Variants in RSRC1 observed in about 807,000 individuals in gnomAD.
RSRC1 encodes arginine and serine rich coiled-coil 1.
RSRC1 carries 39 observed loss-of-function variants against 49.1 expected under a neutral mutation model. That is an observed-to-expected ratio of 0.79 (90% CI 0.61 to 1.04). The LOEUF is 1.04. Among genes scored for constraint, RSRC1 ranks in the 50% least tolerant of loss-of-function variants. The pLI is 0.00. For missense variants in RSRC1, 388 were observed against 402.4 expected, an observed-to-expected ratio of 0.96 and a Z score of 0.31; for synonymous variants, 143 against 130.8, an observed-to-expected ratio of 1.09 and a Z score of -0.63.
intron 3 of RSRC1, among the ~76,000 whole-genome samples, chr3:158,158,701 A>T (rs957363954): frequency 1.3e-5 from 2 of 152,026 alleles, no homozygotes; most frequent in Non-Finnish European, 2.9e-5. Flanking sequence ...GCACTTTGGG[A>T]GGCTGAGGCA....
chr3:158,408,879 A>G (rs1046278192), intron 6 of RSRC1, among the ~76,000 whole-genome samples: 8 of 152,028 alleles, frequency 5.3e-5, no homozygotes, highest in African/African-American at 1.9e-4. Flanking sequence ...CTAAAAATAT[A>G]AAAATTAGCT....
At chr3:158,407,121 C>G (rs1042864807) in intron 6 of RSRC1, among the ~76,000 whole-genome samples, 2 of 152,080 alleles carry the variant, frequency 1.3e-5, no homozygotes, top group African/African-American at 4.8e-5. Flanking sequence ...ATCACAGACT[C>G]AAAACTACTT....
chr3:158,502,542 G>T (rs1450348194), intron 7 of RSRC1, among the ~76,000 whole-genome samples: 2 of 152,048 alleles, frequency 1.3e-5, no homozygotes, highest in Non-Finnish European at 2.9e-5. Context: ...TAGACTTCTT[G>T]GAGGCTTTGT....
intron 5 of RSRC1, among the ~76,000 whole-genome samples, chr3:158,343,281 G>C (rs536966623): frequency 6.6e-6 from 1 of 152,262 alleles, no homozygotes; most frequent in South Asian, 2.1e-4. Context: ...TAACAAAGCA[G>C]GATGCGAAGG....
intron 4 of RSRC1, among the ~76,000 whole-genome samples, chr3:158,279,760 C>T (rs2108073205): frequency 6.6e-6 from 1 of 152,340 alleles, no homozygotes; most frequent in Non-Finnish European, 1.5e-5. Context: ...TTTCAAGCCT[C>T]TAGGACTTCC....
At chr3:158,459,314 T>G (rs2108403221) in intron 6 of RSRC1, among the ~76,000 whole-genome samples, 1 of 152,236 alleles carries the variant, frequency 6.6e-6, no homozygotes, top group Admixed American at 6.5e-5. Flanking sequence ...TAAATCAGAT[T>G]TAGGCAGGCT....
chr3:158,544,322 AT>A lies in RSRC1; in HGVS notation c.*50del. ...TGGATTGTCAGCAGTAACATTGGAA[AT>A]TTAGGTTTTTAAATCCCAATATTAA... On this transcript the variant is annotated 3_prime_UTR_variant, in exon 10 of 10. Coordinates refer to ENST00000611884, the MANE Select transcript of RSRC1 (RefSeq NM_001271838.2). The A allele has an allele frequency of 7.9e-7, 1 of 1,273,422 alleles. No individual in the cohort carries two copies. Among genetic ancestry groups the A allele is most frequent in the Non-Finnish European group, 1.1e-6 (1 of 908,922 alleles). The allele number at this position is 1,273,422 out of a possible 1,614,324, so 78.9% of individuals were successfully genotyped here.
chr3:158,313,671 A>G (rs1158834344), intron 5 of RSRC1, among the ~76,000 whole-genome samples: 1 of 152,262 alleles, frequency 6.6e-6, no homozygotes, highest in Non-Finnish European at 1.5e-5. Context: ...GCAAAAATAA[A>G]TGAAGTAATT....
chr3:158,265,631 CAA>C (rs63157561), intron 4 of RSRC1, among the ~76,000 whole-genome samples: 1 of 147,826 alleles, frequency 6.8e-6, no homozygotes, highest in African/African-American at 2.5e-5. Context: ...AACTCAGTCT[CAA>C]AAAAAAAAAA....
At position 158,295,173 on chromosome 3, in the gene RSRC1, T is replaced by C. The variant is rs138273560; in HGVS notation, c.495-2866T>C. The stretch of plus-strand genomic sequence containing the variant: ...TGGGACAAGGAGAAGGTTTCCCCAA[T>C]TGAAGAATGGTTTAGGATGAGTCCT... On this transcript the variant is annotated intron_variant, in intron 4 of 9. Coordinates refer to ENST00000611884, the MANE Select transcript of RSRC1 (RefSeq NM_001271838.2). Among the ~76,000 whole-genome samples the C allele has an allele frequency of 4.6e-5, 7 of 152,144 alleles. No individual in the cohort carries two copies. The East Asian group carries it at 1.4e-3, about 29-fold the overall frequency.
At chr3:158,316,438 A>ATTTTTTTTTTTTTTTTTTTTTTTTT (rs564633575) in intron 5 of RSRC1, among the ~76,000 whole-genome samples, 2 of 72,220 alleles carry the variant, frequency 2.8e-5, no homozygotes, top group African/African-American at 6.4e-5. Flanking sequence ...AGAATCTCTC[A>ATTTTTTTTTTTTTTTTTTTTTTTTT]TTTTTTTTTT....
chr3:158,512,363 A>C (rs989857195), intron 7 of RSRC1, among the ~76,000 whole-genome samples: 13 of 143,956 alleles, frequency 9.0e-5, no homozygotes, highest in Admixed American at 8.4e-4. Flanking sequence ...ACCATTTATT[A>C]AATAGGGAAT....
intron 3 of RSRC1, among the ~76,000 whole-genome samples, chr3:158,182,100 A>C (rs1719653746): frequency 6.6e-6 from 1 of 152,156 alleles, no homozygotes; most frequent in Non-Finnish European, 1.5e-5. Context: ...GGCAGGTTTC[A>C]GTGTTTAACA....
intron 4 of RSRC1, among the ~76,000 whole-genome samples, chr3:158,270,524 T>C (rs1725454895): frequency 6.6e-6 from 1 of 152,226 alleles, no homozygotes; most frequent in Admixed American, 6.5e-5. Flanking sequence ...TGTATTTCAA[T>C]TGTAATTTAT....
intron 9 of RSRC1, 134 bp downstream of exon 9, chr3:158,543,621 C>G: frequency 1.1e-6 from 1 of 880,654 alleles, no homozygotes; most frequent in South Asian, 2.2e-5. Context: ...TAAAAATAGG[C>G]ATCTGGCCCC....
intron 7 of RSRC1, among the ~76,000 whole-genome samples, chr3:158,511,992 G>T (rs373188046): frequency 0.26 from 36,671 of 139,046 alleles, 4,327 homozygotes; most frequent in South Asian, 0.34. Context: ...TAAATTTGTT[G>T]GAGTTCATTG....
chr3:158,537,058 C>G (rs1712751104), intron 7 of RSRC1, 34 bp from the exon 8 acceptor site: 2 of 1,445,506 alleles, frequency 1.4e-6, no homozygotes, highest in Admixed American at 3.4e-5. Flanking sequence ...CATGCTTACA[C>G]CAAAATACGC....
intron 3 of RSRC1, among the ~76,000 whole-genome samples, chr3:158,190,148 T>C (rs1304470311): frequency 2.0e-5 from 3 of 152,006 alleles, no homozygotes; most frequent in African/African-American, 7.2e-5. Context: ...TGTCTTTCTT[T>C]GTTAGTGACT....
At chr3:158,237,723 T>C (rs995134296) in intron 4 of RSRC1, among the ~76,000 whole-genome samples, 8 of 152,212 alleles carry the variant, frequency 5.3e-5, no homozygotes, top group African/African-American at 1.9e-4. Context: ...AATGGGGTTT[T>C]CTAAATATAC....
Sources: gnomAD v4.1 joint callset for allele counts (sites outside exome capture counted in the v4.1 genomes callset) on GRCh38, gnomAD v4.1.1 for gene constraint, MANE v1.5 for transcripts, NCBI Gene and HGNC (gene_info 2026-07-23, HGNC 2026-07-21) for gene names.